HERC1: variants seen among roughly 807,000 people sequenced by gnomAD.
HERC1 encodes probable E3 ubiquitin-protein ligase HERC1.
In HERC1, 160 loss-of-function variants were observed where a neutral mutation model predicts 554.3. The ratio of observed to expected loss-of-function variants is 0.29; its 90% CI spans 0.25 to 0.33. The LOEUF (loss-of-function observed/expected upper bound fraction) is 0.33. Ranked by LOEUF, HERC1 falls within the 10% of genes least tolerant of loss-of-function variation. The pLI is 1.00. For missense variants in HERC1, 4,919 were observed against 5,918.5 expected (o/e 0.83, Z 5.54); for synonymous variants, 2,175 against 2,131.7 (o/e 1.02, Z -0.56).
chr15:63,637,315 A>G (rs778083151), intron 64 of HERC1, among the ~76,000 whole-genome samples, 190 bp downstream of exon 64: 8 of 152,238 alleles, frequency 5.3e-5, no homozygotes, highest in African/African-American at 1.7e-4. Flanking sequence ...TAGCATTGCT[A>G]TAAGTAACCT....
intron 1 of HERC1, among the ~76,000 whole-genome samples, chr15:63,824,716 C>G (rs906703636): frequency 4.0e-5 from 6 of 151,796 alleles, no homozygotes; most frequent in African/African-American, 1.5e-4. Flanking sequence ...GTGGATGGCT[C>G]TATAAAGAAA....
At chr15:63,672,907 A>G (rs558897895) in intron 38 of HERC1, among the ~76,000 whole-genome samples, 12 of 152,348 alleles carry the variant, frequency 7.9e-5, no homozygotes, top group African/African-American at 2.9e-4. Context: ...CTCTACAGAC[A>G]GTATTGTAAT....
At chr15:63,763,362 C>T (rs1394126842) in intron 3 of HERC1, among the ~76,000 whole-genome samples, 1 of 152,170 alleles carries the variant, frequency 6.6e-6, no homozygotes, top group African/African-American at 2.4e-5. Context: ...ACAGACATAA[C>T]ACCTGAGACT....
chr15:63,727,765 T>C lies in HERC1; in HGVS notation c.3228A>G (p.Ser1076=). The C allele has an allele frequency of 6.2e-7, 1 of 1,613,944 alleles. No individual in the cohort carries two copies. The highest frequency in any genetic ancestry group is 8.5e-7 in the Non-Finnish European group (1 of 1,179,858). ...IVNSLLLLPV[S]VARPLLSYLL... ...GGTAACTCAATAAAGGCCGAGCCAC[T>C]GACACAGGGAGTAACAGCAGGGAGT... The change falls in exon 17 of 78, where the codon TCA becomes TCG. Residue 1076 remains serine (S), a synonymous_variant. Coordinates refer to ENST00000443617, the MANE Select transcript of HERC1 (RefSeq NM_003922.4). This position sits in a 1 kb window ranked among gnomAD's most constrained non-coding sequence, Gnocchi z 4.3.
At chr15:63,652,069 C>A (rs2069717035) in intron 52 of HERC1, among the ~76,000 whole-genome samples, 1 of 152,000 alleles carries the variant, frequency 6.6e-6, no homozygotes, top group African/African-American at 2.4e-5. Flanking sequence ...ACAAAAAAAA[C>A]TGTTGAAAAT....
intron 12 of HERC1, among the ~76,000 whole-genome samples, chr15:63,742,070 T>G (rs1479396072): frequency 6.6e-6 from 1 of 152,240 alleles, no homozygotes; most frequent in Non-Finnish European, 1.5e-5. Context: ...GTGAACCAAT[T>G]TGCAAAGTAT....
chr15:63,694,893 T>C lies in HERC1; in HGVS notation c.5123A>G (p.Asp1708Gly). 6.2e-7 allele frequency: 1 copy of C among 1,611,374 alleles called. No homozygotes were observed. The highest frequency in any genetic ancestry group is 8.5e-7 in the Non-Finnish European group (1 of 1,178,956). The change falls in exon 28 of 78, where the codon GAT becomes GGT. Residue 1708 changes from aspartate to glycine, a missense_variant and splice_region_variant. By Grantham distance (94) the Asp-to-Gly change is moderately conservative. This residue lies in a region of HERC1 where 1,121 missense variants were observed against 1,244.0 expected (regional missense o/e 0.90). Coordinates refer to ENST00000443617, the MANE Select transcript of HERC1 (RefSeq NM_003922.4). This position sits in a 1 kb window ranked among gnomAD's most constrained non-coding sequence, Gnocchi z 4.3. Reference sequence around the variant, plus strand: ...ATTTCTCTTAGCTGCTCTGATCCCATCCTGAATTACACATAAAGAATTACT... The same window carrying C: ...ATTTCTCTTAGCTGCTCTGATCCCACCCTGAATTACACATAAAGAATTACT... ...GESGRLHHYQ[D>G]GIRAAKRNIQ...
intron 1 of HERC1, among the ~76,000 whole-genome samples, chr15:63,796,343 T>C (rs1480405069): frequency 6.6e-6 from 1 of 152,228 alleles, no homozygotes; most frequent in Admixed American, 6.5e-5. Flanking sequence ...ACTACTGAAA[T>C]GTGACTAAAT....
At chr15:63,651,160 G>A (rs886377935) in intron 53 of HERC1, 93 bp downstream of exon 53, 5 of 1,145,754 alleles carry the variant, frequency 4.4e-6, no homozygotes, top group Non-Finnish European at 6.3e-6. Context: ...GAATTTCAAG[G>A]TGAAGAGAAA....
At chr15:63,776,171 C>G (rs758665948) in intron 1 of HERC1, among the ~76,000 whole-genome samples, 2 of 152,220 alleles carry the variant, frequency 1.3e-5, no homozygotes, top group Non-Finnish European at 2.9e-5. Flanking sequence ...ATCTCCAACC[C>G]AGGCCTTCTC....
chr15:63,654,143 G>C lies in HERC1; in HGVS notation c.10266C>G (p.Ile3422Met), dbSNP rs755614105. Residue 3422 changes from isoleucine to methionine, a missense_variant, in exon 51 of 78, where the codon ATC becomes ATG. Around this residue, in one of 11 missense-constraint regions of HERC1, gnomAD observed 1,963 missense variants for 2,228.6 expected, o/e 0.88. Coordinates refer to ENST00000443617, the MANE Select transcript of HERC1 (RefSeq NM_003922.4). ...CTCTGTTCTGATGAGCCTCCAATTT[G>C]ATAAAGGAGCATTTTCTAAGATCTC... is the stretch of plus-strand genomic sequence containing the variant. ...MGGDLRKCSFIKLEAHQNRVM... is the reference protein window; with the variant it reads ...MGGDLRKCSFMKLEAHQNRVM... 1.2e-5 allele frequency: 20 copies of C among 1,613,692 alleles called. No homozygotes were observed. The highest frequency in any genetic ancestry group is 1.7e-5 in the Non-Finnish European group (20 of 1,179,628).
At position 63,734,926 on chromosome 15, in the gene HERC1, C is replaced by A; in HGVS notation, c.2521-77G>T. 1 of 1,247,038 alleles carries A rather than the reference C, an allele frequency of 8.0e-7. No homozygotes were observed. The highest frequency in any genetic ancestry group is 1.4e-5 in the South Asian group (1 of 72,304). The allele number at this position is 1,247,038 out of a possible 1,614,324, so 77.2% of individuals were successfully genotyped here. A position where few individuals can be genotyped will look rare whatever the true frequency, so the allele number is the denominator to read the frequency against. On this transcript the variant is annotated intron_variant, in intron 12 of 77. Coordinates refer to ENST00000443617, the MANE Select transcript of HERC1 (RefSeq NM_003922.4). This position sits in a 1 kb window ranked among gnomAD's most constrained non-coding sequence, Gnocchi z 4.6. ...TAAAAACACACTTAAAGCGAACTCA[C>A]TGACTACTAGGATCATGTAAGTCTA...
intron 1 of HERC1, chr15:63,780,415 C>T (rs1363118020): frequency 6.6e-6 from 1 of 152,034 alleles, no homozygotes; most frequent in African/African-American, 2.4e-5. Context: ...AGAAAACAAG[C>T]AAGTATTAAA....
chr15:63,628,811 C>A lies in HERC1; in HGVS notation c.12971G>T (p.Gly4324Val). The part of the protein sequence containing the change: ...AWGSNSEGQL[G>V]LGHTNHVREP... Reference sequence around the variant, plus strand: ...TCGAACATGGTTGGTATGGCCTAAGCCGAGCTGGGAATAAATCACAAATAT... The same window carrying A: ...TCGAACATGGTTGGTATGGCCTAAGACGAGCTGGGAATAAATCACAAATAT... The change falls in exon 70 of 78, where the codon GGC (glycine) becomes GTC (valine). Residue 4324 changes from glycine to valine, a missense_variant. Gly to Val is a moderately radical substitution (Grantham distance 109). Coordinates refer to ENST00000443617, the MANE Select transcript of HERC1 (RefSeq NM_003922.4). 6.2e-7 allele frequency: 1 copy of A among 1,612,122 alleles called. No individual in the cohort carries two copies. The highest frequency in any genetic ancestry group is 8.5e-7 in the Non-Finnish European group (1 of 1,179,262).
intron 3 of HERC1, among the ~76,000 whole-genome samples, chr15:63,762,749 C>T (rs74630691): frequency 0.017 from 2,639 of 152,234 alleles, 65 homozygotes; most frequent in African/African-American, 0.061. Flanking sequence ...CTGCTCTTCC[C>T]ATATAAACTG....
At chr15:63,824,967 A>G in intron 1 of HERC1, among the ~76,000 whole-genome samples, 1 of 152,178 alleles carries the variant, frequency 6.6e-6, no homozygotes, top group South Asian at 2.1e-4. Flanking sequence ...GGTCAAGGGA[A>G]CAAAGTTGCA....
At chr15:63,831,917 C>T (rs2146209841) in intron 1 of HERC1, among the ~76,000 whole-genome samples, 1 of 152,246 alleles carries the variant, frequency 6.6e-6, no homozygotes, top group South Asian at 2.1e-4. Flanking sequence ...ACATGACCAG[C>T]AAATGAATGG....
At chr15:63,735,609 G>C (rs1421159672) in intron 12 of HERC1, among the ~76,000 whole-genome samples, 5 of 151,692 alleles carry the variant, frequency 3.3e-5, no homozygotes, top group Admixed American at 3.3e-4. Flanking sequence ...AGTGGGAACA[G>C]CATAAGGAAT....
intron 1 of HERC1, among the ~76,000 whole-genome samples, chr15:63,788,970 C>CT (rs1264181936): frequency 1.3e-5 from 2 of 149,446 alleles, no homozygotes; most frequent in Non-Finnish European, 3.0e-5. Flanking sequence ...ATAGGCAAAT[C>CT]TATTAACATT....
Sources: allele counts gnomAD v4.1 joint callset (sites outside exome capture counted in the v4.1 genomes callset), GRCh38; gene constraint gnomAD v4.1.1; regional missense constraint gnomAD v4.1.1; non-coding constraint Gnocchi (gnomAD v3.1); transcripts MANE v1.5; gene names NCBI Gene and HGNC (gene_info 2026-07-23, HGNC 2026-07-21).